Variants in AZIN2 observed in about 807,000 individuals in gnomAD.
The protein encoded by AZIN2 is ODC antizyme inhibitor-2.
In AZIN2, 28 loss-of-function variants were observed where a neutral mutation model predicts 47.8. The observed-to-expected ratio is 0.59, with a 90% CI of 0.43 to 0.80. The LOEUF (loss-of-function observed/expected upper bound fraction) is 0.80. Among genes scored for constraint, AZIN2 ranks in the 30% least tolerant of loss-of-function variants. The pLI is 0.00. For synonymous variants in AZIN2, 221 were observed against 239.4 expected (o/e 0.92, Z 0.71); for missense variants, 535 against 582.5 (o/e 0.92, Z 0.84).
chr1:33,115,259 CCT>C (rs1644486730), intron 10 of AZIN2, among the ~76,000 whole-genome samples: 1 of 152,148 alleles, frequency 6.6e-6, no homozygotes, highest in East Asian at 1.9e-4. Flanking sequence ...AACCCCCTGC[CCT>C]CTCTCACAGA....
intron 5 of AZIN2, among the ~76,000 whole-genome samples, 187 bp downstream of exon 5, chr1:33,084,314 C>T (rs904338875): frequency 3.3e-5 from 5 of 152,174 alleles, no homozygotes; most frequent in African/African-American, 1.2e-4. Context: ...AATTTGTCAG[C>T]CTTGAAGTTC....
the AZIN2 span, chr1:33,165,590 T>C: frequency 2.5e-6 from 4 of 1,587,436 alleles, no homozygotes; most frequent in Non-Finnish European, 8.6e-7. The surrounding 1 kb of genome is among the most constrained non-coding windows in gnomAD (Gnocchi z 4.0). Flanking sequence ...AGGGCCGGGA[T>C]GGGGGCAGGG....
the AZIN2 span, among the ~76,000 whole-genome samples, chr1:33,150,015 C>A: frequency 6.6e-6 from 1 of 152,192 alleles, no homozygotes; most frequent in East Asian, 1.9e-4. Flanking sequence ...CTGGCCACAC[C>A]GGCTTAGCAG....
the AZIN2 span, among the ~76,000 whole-genome samples, chr1:33,160,162 A>C: frequency 2.2e-4 from 33 of 152,204 alleles, no homozygotes; most frequent in South Asian, 4.2e-4. Flanking sequence ...CAGGTGAGAA[A>C]ATGAGGCCTG....
At chr1:33,145,704 C>T in the AZIN2 span, 11 of 358,462 alleles carry the variant, frequency 3.1e-5, no homozygotes, top group East Asian at 3.2e-4. Flanking sequence ...CTCAGTCTTG[C>T]AGCCCACTCC....
chr1:33,155,636 G>A, the AZIN2 span, among the ~76,000 whole-genome samples: 22 of 152,264 alleles, frequency 1.4e-4, no homozygotes, highest in South Asian at 4.1e-4. Context: ...TCGTGACCAA[G>A]GACAAGTTCC....
At chr1:33,148,129 G>C in the AZIN2 span, among the ~76,000 whole-genome samples, 4 of 152,166 alleles carry the variant, frequency 2.6e-5, no homozygotes, top group African/African-American at 9.7e-5. Flanking sequence ...ATTGGTGAGT[G>C]TGTTCAGGTT....
chr1:33,084,833 C>T (rs1641703865), intron 5 of AZIN2, among the ~76,000 whole-genome samples: 1 of 152,146 alleles, frequency 6.6e-6, no homozygotes, highest in African/African-American at 2.4e-5. Flanking sequence ...CTCCTGAACT[C>T]AGGTGATCCA....
chr1:33,133,948 T>A, the AZIN2 span, among the ~76,000 whole-genome samples: 3 of 152,338 alleles, frequency 2.0e-5, no homozygotes, highest in African/African-American at 7.2e-5. Context: ...ATGCCTTATC[T>A]TACTCAACCT....
Position 33,121,491 on chromosome 1 carries a change from G to A in AZIN2, c.*1309G>A, listed in dbSNP as rs1644794027. ...GGCAGGAGAATCACTTGAACAGGGAGGTGGAGGTCGCAGTGAGCCGAGGTT... is the reference window on the plus strand; with the variant it reads ...GGCAGGAGAATCACTTGAACAGGGAAGTGGAGGTCGCAGTGAGCCGAGGTT... On this transcript the variant is annotated 3_prime_UTR_variant, in exon 12 of 12. Coordinates refer to ENST00000294517, the MANE Select transcript of AZIN2 (RefSeq NM_052998.4). Among the ~76,000 whole-genome samples the A allele has an allele frequency of 6.6e-6, 1 of 152,192 alleles. No homozygotes were observed. The highest frequency in any genetic ancestry group is 1.5e-5 in the Non-Finnish European group (1 of 68,048).
intron 5 of AZIN2, 128 bp downstream of exon 5, chr1:33,084,255 C>CTCCTGAGTGGGTGGTCTT: frequency 9.2e-7 from 1 of 1,084,716 alleles, no homozygotes; most frequent in Non-Finnish European, 1.3e-6. Flanking sequence ...GGGAAGACCA[C>CTCCTGAGTGGGTGGTCTT]CCACTCAGGA....
chr1:33,135,492 C>T, the AZIN2 span, among the ~76,000 whole-genome samples: 4 of 152,178 alleles, frequency 2.6e-5, no homozygotes, highest in Non-Finnish European at 5.9e-5. Context: ...ACTATTATTT[C>T]GACTCATTTC....
downstream of AZIN2, among the ~76,000 whole-genome samples, chr1:33,127,417 G>T (rs1644864700): frequency 2.0e-5 from 3 of 152,274 alleles, no homozygotes; most frequent in Admixed American, 2.0e-4. Flanking sequence ...AAGGAACAGG[G>T]AAGTCCATTG....
chr1:33,097,525 G>T (rs999025537), intron 9 of AZIN2, among the ~76,000 whole-genome samples: 7 of 152,200 alleles, frequency 4.6e-5, no homozygotes, highest in Admixed American at 2.0e-4. Flanking sequence ...CTTGAGGCTT[G>T]CCCTCTGCTC....
In AZIN2 at chr1:33,120,200, C is replaced by CG. The variant is rs1557734224; in HGVS notation, c.*20dup. On this transcript the variant is annotated 3_prime_UTR_variant, in exon 12 of 12. Transcript: ENST00000294517. ...TCATGTGAGTGGGCCTCGTTCCCCC[C>CG]GGAGAATCCCAGCGGGGCCTCAGAG... is the stretch of plus-strand genomic sequence containing the variant. The CG allele has an allele frequency of 1.3e-6, 2 of 1,587,042 alleles. No homozygotes were observed. Among genetic ancestry groups the CG allele is most frequent in the African/African-American group, 1.3e-5 (1 of 74,400 alleles).
chr1:33,135,031 A>T, the AZIN2 span, among the ~76,000 whole-genome samples: 1 of 152,170 alleles, frequency 6.6e-6, no homozygotes, highest in Non-Finnish European at 1.5e-5. Context: ...TCATGCCTAT[A>T]ATCCCAGCAC....
chr1:33,129,832 G>T, the AZIN2 span, among the ~76,000 whole-genome samples: 2 of 152,144 alleles, frequency 1.3e-5, no homozygotes, highest in African/African-American at 4.8e-5. The surrounding 1 kb of genome is among the most constrained non-coding windows in gnomAD (Gnocchi z 4.1). Flanking sequence ...TTCTGAGCGG[G>T]GGAGAGAGGA....
chr1:33,085,964 C>T (rs903513466), intron 5 of AZIN2, among the ~76,000 whole-genome samples: 5 of 152,110 alleles, frequency 3.3e-5, no homozygotes, highest in African/African-American at 7.2e-5. Flanking sequence ...TTTCAGTCCC[C>T]GAGGTCTAGG....
the AZIN2 span, chr1:33,165,785 C>T: frequency 2.4e-6 from 1 of 409,490 alleles, no homozygotes; most frequent in Admixed American, 4.3e-5. The surrounding 1 kb of genome is among the most constrained non-coding windows in gnomAD (Gnocchi z 4.0). Context: ...TTGCAACAAC[C>T]TCCTCCTCTT....
Sources: allele counts gnomAD v4.1 joint callset (sites outside exome capture counted in the v4.1 genomes callset), GRCh38; gene constraint gnomAD v4.1.1; non-coding constraint Gnocchi (gnomAD v3.1); transcripts MANE v1.5; gene names NCBI Gene and HGNC (gene_info 2026-07-23, HGNC 2026-07-21).